The following RNF150 variants were observed in gnomAD, a reference collection of about 807,000 sequenced individuals.
RNF150 encodes ring finger protein 150.
Under a neutral mutation model 39.3 loss-of-function variants are expected in RNF150, and 24 were observed. The ratio of observed to expected loss-of-function variants is 0.61; its 90% CI spans 0.44 to 0.86. RNF150 has a LOEUF of 0.86. RNF150 is among the 40% of genes least tolerant of loss of function. The probability of loss-of-function intolerance (pLI) is 0.00; values close to 1 mark genes in which losing one functional copy is unlikely to be tolerated. For missense variants in RNF150, 502 were observed against 587.8 expected, an observed-to-expected ratio of 0.85 and a Z score of 1.51; for synonymous variants, 255 against 227.3, an observed-to-expected ratio of 1.12 and a Z score of -1.10.
intron 6 of RNF150, among the ~76,000 whole-genome samples, chr4:140,872,591 T>G (rs559120045): frequency 7.2e-5 from 11 of 152,312 alleles, no homozygotes; most frequent in Middle Eastern, 3.4e-3. Flanking sequence ...CTTATTGTGG[T>G]GCTAAAGGTG....
intron 1 of RNF150, among the ~76,000 whole-genome samples, chr4:141,181,363 T>C (rs1261724272): frequency 6.6e-6 from 1 of 152,216 alleles, no homozygotes; most frequent in African/African-American, 2.4e-5. Context: ...CCATATAATA[T>C]TCCTGTAACT....
At chr4:141,198,857 C>A (rs1431332375) in intron 1 of RNF150, among the ~76,000 whole-genome samples, 1 of 152,048 alleles carries the variant, frequency 6.6e-6, no homozygotes, top group Non-Finnish European at 1.5e-5. Context: ...ACACCAAAAG[C>A]ATAATTCATC....
intron 1 of RNF150, among the ~76,000 whole-genome samples, chr4:141,208,286 T>C (rs13111980): frequency 0.22 from 33,696 of 152,172 alleles, 3,976 homozygotes; most frequent in South Asian, 0.32. Context: ...AGGAGAAATA[T>C]GGCCCCGAGG....
chr4:141,166,455 A>T (rs1727605846), intron 1 of RNF150, among the ~76,000 whole-genome samples: 1 of 150,782 alleles, frequency 6.6e-6, no homozygotes, highest in Non-Finnish European at 1.5e-5. Context: ...TTTTATGTTC[A>T]TCCTGATACC....
At chr4:141,091,771 A>C (rs1471649539) in intron 1 of RNF150, among the ~76,000 whole-genome samples, 1 of 152,154 alleles carries the variant, frequency 6.6e-6, no homozygotes, top group East Asian at 1.9e-4. Flanking sequence ...ATCCTATAAG[A>C]CAGACCCACT....
At chr4:140,929,109 C>T (rs1159646139) in intron 4 of RNF150, among the ~76,000 whole-genome samples, 2 of 152,140 alleles carry the variant, frequency 1.3e-5, no homozygotes, top group African/African-American at 2.4e-5. Context: ...TCCCTGGAGG[C>T]AGGGCTCTGC....
intron 1 of RNF150, among the ~76,000 whole-genome samples, chr4:140,987,029 C>T (rs184469049): frequency 6.6e-6 from 1 of 152,040 alleles, no homozygotes. Context: ...ACAATAGCCA[C>T]ATAGACAAAA....
intron 6 of RNF150, among the ~76,000 whole-genome samples, chr4:140,875,005 T>A (rs1314048181): frequency 6.6e-6 from 1 of 152,138 alleles, no homozygotes; most frequent in Non-Finnish European, 1.5e-5. Context: ...CTTAATTAAC[T>A]ATGACATGGA....
intron 6 of RNF150, among the ~76,000 whole-genome samples, chr4:140,881,569 C>A (rs908907102): frequency 6.6e-6 from 1 of 152,058 alleles, no homozygotes; most frequent in South Asian, 2.1e-4. Context: ...CTTCTTTGAC[C>A]CACTGGTTAT....
intron 1 of RNF150, among the ~76,000 whole-genome samples, chr4:141,162,577 G>T (rs1727533781): frequency 6.6e-6 from 1 of 152,026 alleles, no homozygotes; most frequent in African/African-American, 2.4e-5. Context: ...CAGAATGTGG[G>T]TGATTTCTGC....
At chr4:140,943,018 A>C (rs543309486) in intron 4 of RNF150, among the ~76,000 whole-genome samples, 1 of 152,330 alleles carries the variant, frequency 6.6e-6, no homozygotes, top group African/African-American at 2.4e-5. Flanking sequence ...AACTCATCAA[A>C]GGATATTAAA....
At chr4:140,922,195 G>A (rs28866472) in intron 5 of RNF150, among the ~76,000 whole-genome samples, 81,499 of 149,168 alleles carry the variant, frequency 0.55, 22,830 homozygotes, top group East Asian at 0.89. Flanking sequence ...GTTTGCAGAT[G>A]ACATGATTGT....
At chr4:140,931,333 T>G (rs1429603110) in intron 4 of RNF150, among the ~76,000 whole-genome samples, 2 of 152,158 alleles carry the variant, frequency 1.3e-5, no homozygotes, top group East Asian at 1.9e-4. Context: ...ACTGCTGAAA[T>G]GCCACACAGG....
chr4:141,190,253 C>T lies in RNF150; in HGVS notation c.-6+22541G>A, dbSNP rs148191343. On this transcript the variant is annotated intron_variant, in intron 1 of 7. Coordinates refer to the RNF150 transcript ENST00000420921. The stretch of plus-strand genomic sequence containing the variant: ...CATTGGTCTCGCTGGTTGTTGCAGA[C>T]CAGAGCTGTTCCTATTAGGCCATTT... Among the ~76,000 whole-genome samples, 252 of 152,324 alleles carry T rather than the reference C, an allele frequency of 1.7e-3. 2 individuals carry two copies. Among genetic ancestry groups the T allele is most frequent in the African/African-American group, 5.9e-3 (246 of 41,572 alleles).
In RNF150 at chr4:141,069,852, G is replaced by A. The variant is rs550577585; in HGVS notation, c.484+62473C>T. Among the ~76,000 whole-genome samples, 5 of 152,280 alleles carry A rather than the reference G, an allele frequency of 3.3e-5. 1 individual carries two copies. In the South Asian group the frequency reaches 1.0e-3, roughly 32 times the overall value. ...GATTTTCTAGTTTATTTGCGTAGAG[G>A]TGTTTGTAGTATTCTCTGATGGTAG... On this transcript the variant is annotated intron_variant, in intron 1 of 6. Transcript: ENST00000515673.
intron 1 of RNF150, among the ~76,000 whole-genome samples, chr4:140,974,172 T>A (rs1381931301): frequency 1.3e-5 from 2 of 152,122 alleles, no homozygotes. Flanking sequence ...CAATAAGAAA[T>A]CCCCTCACTC....
intron 5 of RNF150, among the ~76,000 whole-genome samples, chr4:140,922,424 A>C (rs1266976881): frequency 1.3e-5 from 2 of 150,446 alleles, no homozygotes; most frequent in Non-Finnish European, 3.0e-5. Flanking sequence ...GACGGGAAGG[A>C]CCTCTTCAAG....
At chr4:141,161,487 C>T (rs2111158311) in intron 1 of RNF150, among the ~76,000 whole-genome samples, 1 of 152,204 alleles carries the variant, frequency 6.6e-6, no homozygotes, top group East Asian at 1.9e-4. Flanking sequence ...AAGAGAAAAG[C>T]CTATTATCTG....
At chr4:141,053,673 A>C in intron 1 of RNF150, 1 of 1,389,048 alleles carries the variant, frequency 7.2e-7, no homozygotes, top group Non-Finnish European at 9.4e-7. Flanking sequence ...TACCTGAGGA[A>C]AGGGAATATG....
Sources: allele counts gnomAD v4.1 joint callset (sites outside exome capture counted in the v4.1 genomes callset), GRCh38; gene constraint gnomAD v4.1.1; transcripts MANE v1.5; gene names NCBI Gene and HGNC (gene_info 2026-07-23, HGNC 2026-07-21).